The following JMJD1C variants were observed in gnomAD, a reference collection of about 807,000 sequenced individuals.
The protein encoded by JMJD1C is jumonji domain-containing protein 1C.
Under a neutral mutation model 245.3 loss-of-function variants are expected in JMJD1C, and 31 were observed. The observed-to-expected ratio is 0.13, with a 90% confidence interval of 0.09 to 0.17. JMJD1C has a LOEUF of 0.17. Ranked by LOEUF, JMJD1C falls within the 10% of genes least tolerant of loss-of-function variation. The pLI, the probability that JMJD1C is intolerant of heterozygous loss-of-function variation, is 1.00. For synonymous variants in JMJD1C, 1,057 were observed against 1,017.4 expected (o/e 1.04, Z -0.74); for missense variants, 2,691 against 3,000.2 (o/e 0.90, Z 2.41).
chr10:63,369,432 C>T (rs569600024), intron 2 of JMJD1C, among the ~76,000 whole-genome samples: 1 of 152,208 alleles, frequency 6.6e-6, no homozygotes, highest in East Asian at 1.9e-4. Flanking sequence ...CGTTTGCTAC[C>T]GTGCCCAGCC....
At chr10:63,280,355 C>T (rs1464478128) in intron 2 of JMJD1C, among the ~76,000 whole-genome samples, 1 of 152,038 alleles carries the variant, frequency 6.6e-6, no homozygotes, top group Non-Finnish European at 1.5e-5. Flanking sequence ...TGAGACCATC[C>T]TGGCCAACAT....
intron 2 of JMJD1C, among the ~76,000 whole-genome samples, chr10:63,328,353 A>G (rs901770922): frequency 2.0e-5 from 3 of 152,120 alleles, no homozygotes; most frequent in Non-Finnish European, 4.4e-5. Context: ...AAAAAATTTG[A>G]GAGGATTAGG....
intron 1 of JMJD1C, among the ~76,000 whole-genome samples, chr10:63,447,959 G>A (rs985687534): frequency 3.3e-5 from 5 of 151,518 alleles, no homozygotes; most frequent in Admixed American, 1.3e-4. Context: ...AATAAAAAGA[G>A]AGAGAGAAAG....
At chr10:63,521,324 G>C (rs950754587) in intron 1 of JMJD1C, 2 of 144,784 alleles carry the variant, frequency 1.4e-5, no homozygotes, top group African/African-American at 5.0e-5. Flanking sequence ...GTCCGGACTA[G>C]GCTGCCGGGC....
At position 63,430,276 on chromosome 10, in the gene JMJD1C, G is replaced by C. The variant is rs866662474; in HGVS notation, c.168+35219C>G. The stretch of plus-strand genomic sequence containing the variant: ...CATATAAGAATATCTTTGTGACATT[G>C]AGTTGGGCAATGGTTTCTTAGATGT... On this transcript the variant is annotated intron_variant, in intron 1 of 25. Transcript: ENST00000399262. Among the ~76,000 whole-genome samples, 13 of 152,296 alleles carry C rather than the reference G, an allele frequency of 8.5e-5. No homozygotes were observed. In the Middle Eastern group the frequency reaches 0.014, roughly 159 times the overall value.
At position 63,215,295 on chromosome 10, in the gene JMJD1C, TTCA is replaced by T. The variant is rs1460431975; in HGVS notation, c.980_982del (p.Met327del). The T allele has an allele frequency of 2.5e-6, 4 of 1,612,904 alleles. No individual in the cohort carries two copies. The Admixed American group carries it at 6.7e-5, about 27-fold the overall frequency. On this transcript the variant is annotated inframe_deletion, in exon 7 of 26. Transcript: ENST00000399262. Reference sequence around the variant, plus strand: ...TGATATATAATCATATTTTTCCTCCTTCATCTTCTCTTCATCTGGTATACTGCT... The same window carrying T: ...TGATATATAATCATATTTTTCCTCCTTCTTCTCTTCATCTGGTATACTGCT...
At chr10:63,429,074 G>A (rs1950602102) in intron 1 of JMJD1C, among the ~76,000 whole-genome samples, 1 of 152,122 alleles carries the variant, frequency 6.6e-6, no homozygotes, top group Non-Finnish European at 1.5e-5. Context: ...TCTACCTCCC[G>A]GGTTCAAGAG....
chr10:63,477,236 T>A (rs1953691176), intron 1 of JMJD1C, among the ~76,000 whole-genome samples: 1 of 152,086 alleles, frequency 6.6e-6, no homozygotes, highest in Non-Finnish European at 1.5e-5. Context: ...ACCGACAAGT[T>A]GATTCTAAAC....
chr10:63,241,398 C>T (rs571997352), intron 3 of JMJD1C, among the ~76,000 whole-genome samples: 2 of 152,278 alleles, frequency 1.3e-5, no homozygotes, highest in African/African-American at 4.8e-5. Context: ...GTTAAAGCTG[C>T]ATGCTACATG....
intron 2 of JMJD1C, among the ~76,000 whole-genome samples, chr10:63,295,142 C>A (rs1314561869): frequency 2.6e-5 from 4 of 152,016 alleles, no homozygotes; most frequent in Non-Finnish European, 5.9e-5. Flanking sequence ...GGCTGGAGTA[C>A]AGTGGCTTGA....
chr10:63,472,344 T>C (rs976108835), intron 1 of JMJD1C, among the ~76,000 whole-genome samples: 1 of 152,164 alleles, frequency 6.6e-6, no homozygotes, highest in Non-Finnish European at 1.5e-5. Context: ...TTTAATTATT[T>C]ATTTTTTTGA....
intron 2 of JMJD1C, among the ~76,000 whole-genome samples, chr10:63,267,922 AG>A (rs1276380236): frequency 2.6e-5 from 4 of 152,102 alleles, no homozygotes; most frequent in Non-Finnish European, 5.9e-5. Context: ...CATTCACATG[AG>A]GAAGACGCGA....
intron 4 of JMJD1C, among the ~76,000 whole-genome samples, 174 bp downstream of exon 4, chr10:63,219,704 T>C (rs1848389274): frequency 6.6e-6 from 1 of 152,208 alleles, no homozygotes; most frequent in African/African-American, 2.4e-5. Context: ...CTTGTGAAAT[T>C]ATCAACTTTC....
At chr10:63,476,718 A>AACTT (rs1953672653) in intron 1 of JMJD1C, among the ~76,000 whole-genome samples, 1 of 152,160 alleles carries the variant, frequency 6.6e-6, no homozygotes. Context: ...GACAGAGCAA[A>AACTT]ACCTTGTTTC....
chr10:63,200,693 GA>G lies in JMJD1C; in HGVS notation c.5075-17del. On this transcript the variant is annotated splice_polypyrimidine_tract_variant and intron_variant, in intron 10 of 25. Coordinates refer to ENST00000399262, the MANE Select transcript of JMJD1C (RefSeq NM_032776.3). ...GGAATGCCAGCTGTAAAATCAGTAG[GA>G]AAGTTTTAGCAAGATTATGCTTTGT... The G allele has an allele frequency of 6.2e-7, 1 of 1,609,620 alleles. No homozygotes were observed. Among genetic ancestry groups the G allele is most frequent in the Non-Finnish European group, 8.5e-7 (1 of 1,176,384 alleles).
chr10:63,414,275 G>A (rs1025836368), intron 1 of JMJD1C, among the ~76,000 whole-genome samples: 6 of 152,062 alleles, frequency 3.9e-5, no homozygotes, highest in South Asian at 2.1e-4. Flanking sequence ...CATGAGCCAC[G>A]CACCCAGCCA....
chr10:63,434,078 T>A (rs1589741930), intron 1 of JMJD1C, among the ~76,000 whole-genome samples: 1 of 152,158 alleles, frequency 6.6e-6, no homozygotes, highest in East Asian at 1.9e-4. Context: ...AAATCTAAAT[T>A]GTCATATAAA....
chr10:63,465,792 CG>C lies in JMJD1C; in HGVS notation c.-131del. On this transcript the variant is annotated 5_prime_UTR_variant, in exon 1 of 26. Transcript: ENST00000399262. ...CAGCGGACCCGAAAGAGCGCAGACTCGGGACGAACCGGCCGCTCTGCCCCGG... is the reference window on the plus strand; with the variant it reads ...CAGCGGACCCGAAAGAGCGCAGACTCGGACGAACCGGCCGCTCTGCCCCGG... 1 of 1,081,534 alleles carries C rather than the reference CG, an allele frequency of 9.2e-7. No individual in the cohort carries two copies. Among genetic ancestry groups the C allele is most frequent in the Non-Finnish European group, 1.4e-6 (1 of 729,608 alleles). The allele number at this position is 1,081,534 out of a possible 1,614,324, so 67.0% of individuals were successfully genotyped here. A position where few individuals can be genotyped will look rare whatever the true frequency, so the allele number is the denominator to read the frequency against.
chr10:63,187,636 T>C (rs1844284716), intron 18 of JMJD1C, among the ~76,000 whole-genome samples: 1 of 152,098 alleles, frequency 6.6e-6, no homozygotes, highest in African/African-American at 2.4e-5. Context: ...AGGGTCTCAC[T>C]ATGTTGCCCA....
Sources: allele counts gnomAD v4.1 joint callset (sites outside exome capture counted in the v4.1 genomes callset), GRCh38; gene constraint gnomAD v4.1.1; transcripts MANE v1.5; gene names NCBI Gene and HGNC (gene_info 2026-07-23, HGNC 2026-07-21).